Variants in ATP8A2 observed in about 807,000 individuals in gnomAD.
ATP8A2 encodes the protein ATPase phospholipid transporting 8A2, also known as phospholipid-transporting ATPase IB.
ATP8A2 carries 100 observed loss-of-function variants against 165.6 expected under a neutral mutation model. That is an observed-to-expected ratio of 0.60 (90% CI 0.51 to 0.71). The LOEUF (loss-of-function observed/expected upper bound fraction) is 0.71. Ranked by LOEUF, ATP8A2 falls within the 30% of genes least tolerant of loss-of-function variation. The pLI is 0.00. For synonymous variants in ATP8A2, 543 were observed against 548.8 expected, an observed-to-expected ratio of 0.99 and a Z score of 0.15; for missense variants, 1,227 against 1,479.5, an observed-to-expected ratio of 0.83 and a Z score of 2.80.
chr13:25,670,433 C>A (rs1381849569), intron 24 of ATP8A2, among the ~76,000 whole-genome samples: 2 of 152,248 alleles, frequency 1.3e-5, no homozygotes, highest in South Asian at 4.2e-4. Flanking sequence ...TCATCCTCTT[C>A]CCCCTTGCTG....
chr13:25,406,155 G>T (rs2033795417), intron 1 of ATP8A2, among the ~76,000 whole-genome samples: 1 of 152,144 alleles, frequency 6.6e-6, no homozygotes, highest in Non-Finnish European at 1.5e-5. Context: ...GAAGAAAGAG[G>T]TTGACATATA....
intron 25 of ATP8A2, among the ~76,000 whole-genome samples, chr13:25,709,386 A>G (rs1308629979): frequency 6.6e-6 from 1 of 152,168 alleles, no homozygotes. Context: ...GTTTTAATGG[A>G]TGGGTGTGGT....
At chr13:25,890,044 C>T (rs1170813812) in intron 33 of ATP8A2, among the ~76,000 whole-genome samples, 1 of 152,036 alleles carries the variant, frequency 6.6e-6, no homozygotes, top group Non-Finnish European at 1.5e-5. Flanking sequence ...TGCCTGTAAT[C>T]CCAGCTGCTC....
chr13:25,531,378 TATATATGATATATATA>T (rs2038085344), intron 4 of ATP8A2, among the ~76,000 whole-genome samples: 1 of 78,926 alleles, frequency 1.3e-5, no homozygotes, highest in African/African-American at 7.0e-5. Context: ...ATATATGTTA[TATATATGATATATATA>T]TGATTATATA....
At chr13:25,967,510 GA>G (rs953157670) in intron 34 of ATP8A2, among the ~76,000 whole-genome samples, 1 of 152,192 alleles carries the variant, frequency 6.6e-6, no homozygotes, top group African/African-American at 2.4e-5. Flanking sequence ...ATGTTCCCAT[GA>G]CACCGTTTTC....
intron 24 of ATP8A2, among the ~76,000 whole-genome samples, chr13:25,672,425 C>T (rs777961344): frequency 4.6e-5 from 7 of 152,104 alleles, no homozygotes; most frequent in Admixed American, 1.3e-4. Flanking sequence ...GTCTTGCTGG[C>T]AGAGTCTTTC....
chr13:25,868,196 A>G (rs972383169), intron 33 of ATP8A2: 2 of 447,518 alleles, frequency 4.5e-6, no homozygotes, highest in African/African-American at 4.0e-5. Context: ...AAACTGTTTT[A>G]TTATACTCAA....
At chr13:25,562,736 G>A (rs545628434) in intron 15 of ATP8A2, among the ~76,000 whole-genome samples, 3 of 152,292 alleles carry the variant, frequency 2.0e-5, no homozygotes, top group Admixed American at 2.0e-4. Flanking sequence ...CTATCCACAT[G>A]TGTGCCTGTG....
chr13:25,837,094 G>A, intron 28 of ATP8A2, 69 bp from the exon 29 acceptor site: 1 of 1,566,964 alleles, frequency 6.4e-7, no homozygotes, highest in South Asian at 1.2e-5. Context: ...TCATCATTTG[G>A]TAGAAGGGAA....
chr13:25,996,607 C>T (rs1956511003), intron 35 of ATP8A2, among the ~76,000 whole-genome samples: 1 of 152,208 alleles, frequency 6.6e-6, no homozygotes, highest in African/African-American at 2.4e-5. Context: ...TCACTGCAAC[C>T]TCCGCACTCT....
At chr13:25,926,300 T>C (rs1352622087) in intron 33 of ATP8A2, among the ~76,000 whole-genome samples, 1 of 152,074 alleles carries the variant, frequency 6.6e-6, no homozygotes, top group Non-Finnish European at 1.5e-5. Context: ...GGTCGTCTAT[T>C]TTTCCCATTC....
intron 26 of ATP8A2, among the ~76,000 whole-genome samples, chr13:25,773,887 TC>T (rs2044681540): frequency 6.6e-6 from 1 of 152,180 alleles, no homozygotes; most frequent in Non-Finnish European, 1.5e-5. Context: ...TGTGTGTACA[TC>T]CGTGTGTGTC....
chr13:25,585,719 T>C (rs2039904217), intron 23 of ATP8A2, among the ~76,000 whole-genome samples: 3 of 152,258 alleles, frequency 2.0e-5, no homozygotes, highest in Admixed American at 2.0e-4. Context: ...TGTAATTGCC[T>C]GTACATTTTC....
chr13:25,537,200 C>G (rs1593487265), intron 6 of ATP8A2, among the ~76,000 whole-genome samples: 1 of 152,152 alleles, frequency 6.6e-6, no homozygotes, highest in Non-Finnish European at 1.5e-5. Context: ...GGCCGTGATC[C>G]TTTTTCTGGG....
chr13:25,424,723 C>T (rs529312819), intron 1 of ATP8A2, among the ~76,000 whole-genome samples: 3 of 152,214 alleles, frequency 2.0e-5, no homozygotes, highest in African/African-American at 7.2e-5. Flanking sequence ...TTTGGGAAGC[C>T]CAGGTGGGCA....
chr13:25,594,984 G>GTGTATA (rs150738527), intron 24 of ATP8A2, among the ~76,000 whole-genome samples: 1,764 of 142,772 alleles, frequency 0.012, 12 homozygotes, highest in Middle Eastern at 0.043. Flanking sequence ...GTGTGTGTGT[G>GTGTATA]TATATATATA....
At chr13:25,550,885 T>A (rs1048469356) in intron 10 of ATP8A2, among the ~76,000 whole-genome samples, 6 of 152,230 alleles carry the variant, frequency 3.9e-5, no homozygotes, top group African/African-American at 1.4e-4. Context: ...AGGAAAAATA[T>A]GTGCTTTAGA....
chr13:26,013,228 C>A (rs1409548961), intron 36 of ATP8A2, among the ~76,000 whole-genome samples: 1 of 152,152 alleles, frequency 6.6e-6, no homozygotes, highest in Non-Finnish European at 1.5e-5. Context: ...TCCCCAGGGC[C>A]AAGGCCAACC....
rs148644536 is a variant in ATP8A2 at position 25,476,781 on chromosome 13, A to T, written c.221+7660A>T. ...TATGCTGCTTTTTGTTTAGAAGTGG[A>T]TATACTTGGTTAATTTCCAAGCCAG... On this transcript the variant is annotated intron_variant, in intron 2 of 36. Coordinates refer to ENST00000381655, the MANE Select transcript of ATP8A2 (RefSeq NM_016529.6). Among the ~76,000 whole-genome samples the T allele has an allele frequency of 1.0e-3, 159 of 152,320 alleles. 2 individuals are homozygous for T. The highest frequency in any genetic ancestry group is 3.7e-3 in the African/African-American group (152 of 41,564).
Sources: gnomAD v4.1 joint callset for allele counts (sites outside exome capture counted in the v4.1 genomes callset) on GRCh38, gnomAD v4.1.1 for gene constraint, MANE v1.5 for transcripts, NCBI Gene and HGNC (gene_info 2026-07-23, HGNC 2026-07-21) for gene names.